The following EFCAB7 variants were observed in gnomAD, a reference collection of about 807,000 sequenced individuals.
EFCAB7 encodes the protein EF-hand calcium-binding domain-containing protein 7.
In EFCAB7, 66 loss-of-function variants were observed where a neutral mutation model predicts 77.1. The ratio of observed to expected loss-of-function variants is 0.86; its 90% confidence interval spans 0.70 to 1.05. The LOEUF (loss-of-function observed/expected upper bound fraction) is 1.05. EFCAB7 is among the 50% of genes least tolerant of loss of function. The pLI is 0.00. For missense variants in EFCAB7, 638 were observed against 730.5 expected (o/e 0.87, Z 1.46); for synonymous variants, 225 against 243.3 (o/e 0.92, Z 0.70).
chr1:63,582,685 G>A, the EFCAB7 span, among the ~76,000 whole-genome samples: 185 of 152,286 alleles, frequency 1.2e-3, 3 homozygotes, highest in East Asian at 0.023. Context: ...TCAGCTCACT[G>A]CAACCTCTGC....
chr1:63,569,630 A>G (rs1647211551), intron 12 of EFCAB7: 2 of 152,256 alleles, frequency 1.3e-5, no homozygotes, highest in African/African-American at 4.8e-5. Context: ...TATGAAGTAT[A>G]AAGGAAAGAG....
rs529101526 is a variant in EFCAB7, at chr1:63,525,202, T to C, written c.-1-370T>C. On this transcript the variant is annotated intron_variant, in intron 1 of 13. Transcript: ENST00000371088. The stretch of plus-strand genomic sequence containing the variant: ...CCTGATGAAGACTGTCATCTGACTT[T>C]CGTATTTTGAGAGAATAGATGTGTG... Among the ~76,000 whole-genome samples the C allele has an allele frequency of 1.1e-4, 17 of 152,290 alleles. No individual in the cohort carries two copies. In the South Asian group the frequency reaches 3.5e-3, roughly 32 times the overall value.
chr1:63,561,719 T>C lies in EFCAB7; in HGVS notation c.1359T>C (p.Asp453=). 1 of 1,583,634 alleles carries C rather than the reference T, an allele frequency of 6.3e-7. No homozygotes were observed. The highest frequency in any genetic ancestry group is 2.3e-5 in the East Asian group (1 of 44,236). ...TGGTTGTTTAAACAGAGAATTTTGATACAAAGAGGAATGAACTAACAAGAC... is the reference window on the plus strand; with the variant it reads ...TGGTTGTTTAAACAGAGAATTTTGACACAAAGAGGAATGAACTAACAAGAC... ...DAWAVCRENF[D]TKRNELTRQG... The change falls in exon 11 of 14, where the codon GAT becomes GAC. Residue 453 remains aspartate (D), a synonymous_variant. Transcript: ENST00000371088.
intron 10 of EFCAB7, among the ~76,000 whole-genome samples, chr1:63,558,933 A>G (rs1458011959): frequency 6.6e-6 from 1 of 151,566 alleles, no homozygotes; most frequent in Non-Finnish European, 1.5e-5. Flanking sequence ...CTATAATCCT[A>G]GCACTCTGGA....
Position 63,533,493 on chromosome 1 carries a change from A to C in EFCAB7, c.526A>C (p.Lys176Gln), listed in dbSNP as rs1027285726. The C allele has an allele frequency of 2.5e-6, 4 of 1,609,276 alleles. No homozygotes were observed. The African/African-American group carries it at 5.4e-5, about 22-fold the overall frequency. ...LYMTTNEQCLKTTLEKLEVDS... is the reference protein window; with the variant it reads ...LYMTTNEQCLQTTLEKLEVDS... ...TATGACAACCAACGAGCAATGTCTCAAGACTACACTAGAAAAACTAGAGGT... is the reference window on the plus strand; with the variant it reads ...TATGACAACCAACGAGCAATGTCTCCAGACTACACTAGAAAAACTAGAGGT... Residue 176 changes from lysine to glutamine, a missense_variant, in exon 5 of 14, where the codon AAG (lysine) becomes CAG (glutamine). By Grantham distance (53) the Lys-to-Gln change is moderately conservative (BLOSUM62 1). Transcript: ENST00000371088.
intron 7 of EFCAB7, chr1:63,548,781 T>C (rs920578004): frequency 6.6e-6 from 1 of 152,420 alleles, no homozygotes; most frequent in African/African-American, 2.4e-5. Flanking sequence ...CATTAACTTT[T>C]TCTTATTGTT....
intron 6 of EFCAB7, 24 bp from the exon 7 acceptor site, chr1:63,545,892 A>C: frequency 6.2e-7 from 1 of 1,604,204 alleles, no homozygotes; most frequent in Non-Finnish European, 8.5e-7. Context: ...ATATTGTTTG[A>C]AATAATTTTT....
chr1:63,547,427 T>C (rs1338093781), intron 7 of EFCAB7: 1 of 152,142 alleles, frequency 6.6e-6, no homozygotes, highest in Non-Finnish European at 1.5e-5. Flanking sequence ...AGGAAAGTGA[T>C]AAGTGTTATG....
chr1:63,577,951 T>C, the EFCAB7 span, among the ~76,000 whole-genome samples: 3 of 152,202 alleles, frequency 2.0e-5, no homozygotes, highest in Non-Finnish European at 2.9e-5. Flanking sequence ...TGTAATATAA[T>C]GTATTTTAAA....
intron 10 of EFCAB7, 106 bp downstream of exon 10, chr1:63,557,353 C>G: frequency 9.4e-7 from 1 of 1,064,918 alleles, no homozygotes; most frequent in South Asian, 1.7e-5. Flanking sequence ...ATTATTATAG[C>G]ATTTAGGACA....
chr1:63,552,021 A>T (rs1007321379), intron 8 of EFCAB7, 187 bp downstream of exon 8: 33 of 190,704 alleles, frequency 1.7e-4, no homozygotes, highest in African/African-American at 7.3e-4. Flanking sequence ...TTAAATAATT[A>T]TAAGGATTTT....
Position 63,531,812 on chromosome 1 carries a change from T to C in EFCAB7, c.188-8T>C. 1.2e-6 allele frequency: 2 copies of C among 1,609,308 alleles called. No homozygotes were observed. Among genetic ancestry groups the C allele is most frequent in the Non-Finnish European group, 1.7e-6 (2 of 1,178,422 alleles). On this transcript the variant is annotated splice_polypyrimidine_tract_variant and splice_region_variant and intron_variant, in intron 2 of 13. Transcript: ENST00000371088. ...ACAATCACAAATAATACTTGTCTTG[T>C]TGGGCAGCTCTTCAGCATGCAGGAA...
intron 6 of EFCAB7, among the ~76,000 whole-genome samples, chr1:63,538,956 A>G (rs1481403843): frequency 1.3e-5 from 2 of 152,142 alleles, no homozygotes; most frequent in African/African-American, 4.8e-5. Flanking sequence ...TTGTTCTACC[A>G]TTTTCCAGCT....
chr1:63,572,338 A>G (rs1647285897), intron 13 of EFCAB7, 104 bp from the exon 14 acceptor site: 3 of 854,780 alleles, frequency 3.5e-6, no homozygotes, highest in Admixed American at 5.8e-5. Context: ...TTATCTGTAC[A>G]GGGATATTCT....
intron 11 of EFCAB7, among the ~76,000 whole-genome samples, chr1:63,562,112 T>C (rs554384130): frequency 8.5e-5 from 13 of 152,050 alleles, no homozygotes; most frequent in Admixed American, 5.9e-4. Flanking sequence ...GGAAAAAAAT[T>C]TGGTATTAAA....
chr1:63,525,445 A>T, intron 1 of EFCAB7, 127 bp from the exon 2 acceptor site: 1 of 685,634 alleles, frequency 1.5e-6, no homozygotes, highest in Non-Finnish European at 2.3e-6. Flanking sequence ...TGATCTTTTC[A>T]TATATGTTAT....
chr1:63,583,402 C>G, the EFCAB7 span, among the ~76,000 whole-genome samples: 702 of 152,276 alleles, frequency 4.6e-3, 4 homozygotes, highest in African/African-American at 0.016. Flanking sequence ...TAGATTGGTT[C>G]CATCAATGCT....
At chr1:63,526,887 C>A (rs1646601044) in intron 2 of EFCAB7, among the ~76,000 whole-genome samples, 1 of 152,094 alleles carries the variant, frequency 6.6e-6, no homozygotes, top group African/African-American at 2.4e-5. Flanking sequence ...GCCTCAGCCT[C>A]CTGGGTAGCT....
At chr1:63,547,079 T>C (rs1266470600) in intron 7 of EFCAB7, 1 of 152,192 alleles carries the variant, frequency 6.6e-6, no homozygotes, top group Non-Finnish European at 1.5e-5. Context: ...AAGTAGAGAT[T>C]TTGAAAGTTT....
Sources: gnomAD v4.1 joint callset for allele counts (sites outside exome capture counted in the v4.1 genomes callset) on GRCh38, gnomAD v4.1.1 for gene constraint, MANE v1.5 for transcripts, NCBI Gene and HGNC (gene_info 2026-07-23, HGNC 2026-07-21) for gene names.